The following ETNK1 variants were observed in gnomAD, a reference collection of about 807,000 sequenced individuals.
ETNK1 encodes the protein putative protein product of Nbla10396.
In ETNK1, 8 loss-of-function variants were observed where a neutral mutation model predicts 45.1. That is an observed-to-expected ratio of 0.18 (90% CI 0.10 to 0.32). The LOEUF is 0.32. ETNK1 is among the 10% of genes least tolerant of loss of function. The pLI is 1.00. For missense variants in ETNK1, 302 were observed against 430.6 expected, an observed-to-expected ratio of 0.70 and a Z score of 2.64; for synonymous variants, 152 against 151.9, an observed-to-expected ratio of 1.00 and a Z score of -0.01.
At position 22,688,938 on chromosome 12, in the gene ETNK1, A is replaced by G. The variant is rs746842755; in HGVS notation, c.*3984A>G. ...TTAAAATTTTTAACTTTTATATACC[A>G]CTTGTGTGATTCCAGTGTCATGTCT... On this transcript the variant is annotated 3_prime_UTR_variant, in exon 8 of 8. Coordinates refer to ENST00000266517, the MANE Select transcript of ETNK1 (RefSeq NM_018638.5). 15 of 151,830 alleles carry G rather than the reference A, an allele frequency of 9.9e-5. No homozygotes were observed. Among genetic ancestry groups the G allele is most frequent in the Non-Finnish European group, 1.9e-4 (13 of 67,804 alleles). 9.4% of individuals were successfully genotyped at this position (151,830 alleles called of 1,614,324 possible). A position where few individuals can be genotyped will look rare whatever the true frequency, so the allele number is the denominator to read the frequency against.
chr12:22,659,290 C>T, intron 3 of ETNK1, 136 bp downstream of exon 3: 2 of 902,958 alleles, frequency 2.2e-6, no homozygotes, highest in Non-Finnish European at 3.2e-6. Flanking sequence ...AGCATTGATT[C>T]TTTGGCTGTC....
intron 2 of ETNK1, among the ~76,000 whole-genome samples, chr12:22,653,024 G>A (rs1953897727): frequency 1.3e-5 from 2 of 152,086 alleles, no homozygotes; most frequent in Admixed American, 1.3e-4. Context: ...ATGGTGTAAG[G>A]AAAGGGTCCA....
intron 4 of ETNK1, among the ~76,000 whole-genome samples, chr12:22,662,864 A>G (rs1377776206): frequency 6.6e-6 from 1 of 152,224 alleles, no homozygotes; most frequent in East Asian, 1.9e-4. Context: ...GGACTATTCA[A>G]ATACAAAGGT....
At chr12:22,670,770 C>G (rs898785853) in intron 4 of ETNK1, among the ~76,000 whole-genome samples, 1 of 152,112 alleles carries the variant, frequency 6.6e-6, no homozygotes, top group South Asian at 2.1e-4. Flanking sequence ...CATTGCTCAG[C>G]AAGTATAGCA....
intron 1 of ETNK1, among the ~76,000 whole-genome samples, chr12:22,638,254 G>GT (rs1953680674): frequency 7.0e-6 from 1 of 143,468 alleles, no homozygotes; most frequent in Non-Finnish European, 1.6e-5. Flanking sequence ...TTTAAGGTGG[G>GT]GTTTTTTTTT....
intron 4 of ETNK1, among the ~76,000 whole-genome samples, chr12:22,666,731 G>A (rs1234308908): frequency 6.6e-6 from 1 of 152,158 alleles, no homozygotes; most frequent in Non-Finnish European, 1.5e-5. Context: ...ACAAATGAGT[G>A]GAAGAAAAGG....
At chr12:22,633,015 T>A (rs1313176800) in intron 1 of ETNK1, among the ~76,000 whole-genome samples, 6 of 152,202 alleles carry the variant, frequency 3.9e-5, no homozygotes, top group African/African-American at 1.4e-4. Context: ...GTTGTTTTCA[T>A]GTTTTGGCTA....
At chr12:22,663,637 A>G (rs1333398164) in intron 4 of ETNK1, among the ~76,000 whole-genome samples, 1 of 152,174 alleles carries the variant, frequency 6.6e-6, no homozygotes, top group East Asian at 1.9e-4. Context: ...TTTGGCTTTA[A>G]GAATGCAAGG....
chr12:22,629,013 A>G (rs772598605), intron 1 of ETNK1, among the ~76,000 whole-genome samples: 12 of 152,052 alleles, frequency 7.9e-5, no homozygotes, highest in Non-Finnish European at 1.5e-4. Context: ...ACTCTGGTCA[A>G]ATCATTAAAC....
rs557693296 is a variant in ETNK1, at chr12:22,677,978, C to T, written c.945+4318C>T. Among the ~76,000 whole-genome samples the T allele has an allele frequency of 3.3e-5, 5 of 152,220 alleles. No homozygotes were observed. In the South Asian group the frequency reaches 6.2e-4, roughly 19 times the overall value. ...TCTTATTTTATCAGAATTTGCTGAT[C>T]GTCTGTTGTGTGCTTTTCCTGCCCT... On this transcript the variant is annotated intron_variant, in intron 6 of 7. Transcript: ENST00000266517.
chr12:22,657,484 A>G (rs927994884), intron 2 of ETNK1, among the ~76,000 whole-genome samples: 2 of 151,752 alleles, frequency 1.3e-5, no homozygotes, highest in Non-Finnish European at 2.9e-5. Flanking sequence ...TAGGAATATC[A>G]CTTTATTCTG....
intron 5 of ETNK1, 42 bp downstream of exon 5, chr12:22,671,397 T>C: frequency 8.5e-7 from 1 of 1,179,348 alleles, no homozygotes; most frequent in Non-Finnish European, 1.3e-6. Context: ...GAAACGATAT[T>C]TTCAGAATAT....
At chr12:22,641,424 A>G (rs1953734950) in intron 1 of ETNK1, among the ~76,000 whole-genome samples, 1 of 152,060 alleles carries the variant, frequency 6.6e-6, no homozygotes, top group Non-Finnish European at 1.5e-5. Flanking sequence ...CAAAGTTCCT[A>G]TTTTTTTCTA....
intron 1 of ETNK1, among the ~76,000 whole-genome samples, chr12:22,627,563 C>T (rs1011727096): frequency 2.6e-5 from 4 of 152,068 alleles, no homozygotes; most frequent in African/African-American, 7.2e-5. Context: ...TCATTGCAAA[C>T]ACTACTTTCA....
rs781202115 is a variant in ETNK1, at chr12:22,643,874, C to G, written c.268C>G (p.Arg90Gly). The G allele has an allele frequency of 6.2e-7, 1 of 1,613,230 alleles. No homozygotes were observed. The highest frequency in any genetic ancestry group is 1.3e-5 in the African/African-American group (1 of 74,804). Reference protein sequence around the residue: ...YGNKTELLVDRDEEVKSFRVL... With the variant: ...YGNKTELLVDGDEEVKSFRVL... Reference sequence around the variant, plus strand: ...CAATAAGACTGAGTTATTAGTCGATCGAGATGAGGAAGTAAAGAGTTTTCG... The same window carrying G: ...CAATAAGACTGAGTTATTAGTCGATGGAGATGAGGAAGTAAAGAGTTTTCG... The change falls in exon 2 of 8, where the codon CGA becomes GGA. Residue 90 changes from arginine (R) to glycine (G), a missense_variant. Physicochemically the swap from Arg to Gly is moderately radical, Grantham distance 125. Around this residue, in one of 3 missense-constraint regions of ETNK1, gnomAD observed 205 missense variants for 259.9 expected, o/e 0.79. Transcript: ENST00000266517.
At chr12:22,679,490 T>G (rs1392414146) in intron 6 of ETNK1, among the ~76,000 whole-genome samples, 1 of 152,102 alleles carries the variant, frequency 6.6e-6, no homozygotes, top group Non-Finnish European at 1.5e-5. Flanking sequence ...GACTCAAATG[T>G]CAGTCTCCTC....
chr12:22,647,953 C>A (rs923223673), intron 2 of ETNK1, among the ~76,000 whole-genome samples: 32 of 151,914 alleles, frequency 2.1e-4, no homozygotes, highest in Non-Finnish European at 4.3e-4. Context: ...TAGTGAAAAT[C>A]AGATATCTTT....
In ETNK1 at chr12:22,659,124, C is replaced by T; in HGVS notation, c.527C>T (p.Thr176Ile). 6.2e-7 allele frequency: 1 copy of T among 1,613,074 alleles called. No homozygotes were observed. The highest frequency in any genetic ancestry group is 8.5e-7 in the Non-Finnish European group (1 of 1,179,608). Reference sequence around the variant, plus strand: ...GGAAAGTATTTCTCTCTCATTCCCACAGGATTTGCAGATGAAGACATTAAT... The same window carrying T: ...GGAAAGTATTTCTCTCTCATTCCCATAGGATTTGCAGATGAAGACATTAAT... Reference protein sequence around the residue: ...KMGKYFSLIPTGFADEDINKR... With the variant: ...KMGKYFSLIPIGFADEDINKR... The change falls in exon 3 of 8, where the codon ACA becomes ATA. Residue 176 changes from threonine to isoleucine, a missense_variant. Coordinates refer to ENST00000266517, the MANE Select transcript of ETNK1 (RefSeq NM_018638.5).
intron 1 of ETNK1, among the ~76,000 whole-genome samples, chr12:22,629,345 T>C (rs998058346): frequency 6.6e-6 from 1 of 152,196 alleles, no homozygotes; most frequent in African/African-American, 2.4e-5. Flanking sequence ...TTGCCTGTTA[T>C]TGAATGCATA....
Sources: gnomAD v4.1 joint callset for allele counts (sites outside exome capture counted in the v4.1 genomes callset) on GRCh38, gnomAD v4.1.1 for gene constraint, gnomAD v4.1.1 regional missense constraint, MANE v1.5 for transcripts, NCBI Gene and HGNC (gene_info 2026-07-23, HGNC 2026-07-21) for gene names.